EIF4G3: variants seen among roughly 807,000 people sequenced by gnomAD.
The protein encoded by EIF4G3 is eIF-4-gamma 3.
In EIF4G3, 34 loss-of-function variants were observed where a neutral mutation model predicts 186.4. The observed-to-expected ratio is 0.18, with a 90% CI of 0.14 to 0.24. The LOEUF is 0.24. EIF4G3 is among the 10% of genes least tolerant of loss of function. The probability of loss-of-function intolerance (pLI) is 1.00; values close to 1 mark genes in which losing one functional copy is unlikely to be tolerated. For synonymous variants in EIF4G3, 673 were observed against 679.5 expected, an observed-to-expected ratio of 0.99 and a Z score of 0.15; for missense variants, 1,536 against 1,948.5, an observed-to-expected ratio of 0.79 and a Z score of 3.99.
chr1:21,022,085 C>T (rs956715522), intron 4 of EIF4G3, among the ~76,000 whole-genome samples: 1 of 152,014 alleles, frequency 6.6e-6, no homozygotes, highest in Non-Finnish European at 1.5e-5. Flanking sequence ...CACTAAGCAC[C>T]GAAAATGCAT....
chr1:21,088,237 A>G (rs769058744), intron 3 of EIF4G3, among the ~76,000 whole-genome samples: 13 of 152,118 alleles, frequency 8.5e-5, no homozygotes, highest in Admixed American at 5.2e-4. Flanking sequence ...ACCAACCAAC[A>G]TGGTGAAACT....
At chr1:20,950,163 C>CTAGCAACA in intron 12 of EIF4G3, 52 bp from the exon 13 acceptor site, 2 of 1,382,486 alleles carry the variant, frequency 1.4e-6, no homozygotes, top group Non-Finnish European at 1.9e-6. Flanking sequence ...AACATAAAAA[C>CTAGCAACA]TAGCAACATG....
At chr1:20,814,525 G>C (rs2059957747) in intron 34 of EIF4G3, among the ~76,000 whole-genome samples, 1 of 151,892 alleles carries the variant, frequency 6.6e-6, no homozygotes, top group Admixed American at 6.6e-5. Flanking sequence ...ATCTATGAAA[G>C]AACAACACCA....
At chr1:21,047,066 C>T (rs1015411650) in intron 4 of EIF4G3, among the ~76,000 whole-genome samples, 9 of 152,084 alleles carry the variant, frequency 5.9e-5, no homozygotes, top group Non-Finnish European at 1.0e-4. Context: ...GATGAAGAAA[C>T]GAAGTTCCAG....
chr1:20,934,924 CCT>C (rs1383034546), intron 14 of EIF4G3, among the ~76,000 whole-genome samples: 1 of 152,036 alleles, frequency 6.6e-6, no homozygotes, highest in African/African-American at 2.4e-5. Context: ...CATTCCTCAC[CCT>C]GTTTTATTAT....
chr1:20,972,863 G>A, intron 11 of EIF4G3, 139 bp downstream of exon 11: 1 of 610,344 alleles, frequency 1.6e-6, no homozygotes, highest in South Asian at 2.4e-5. Context: ...CAGGTGAAGT[G>A]GTGTGACTAT....
At chr1:21,060,782 G>GAAAAAAA (rs34598369) in intron 3 of EIF4G3, among the ~76,000 whole-genome samples, 12 of 117,348 alleles carry the variant, frequency 1.0e-4, no homozygotes, top group East Asian at 3.5e-4. Flanking sequence ...TGTCTCTTAA[G>GAAAAAAA]AAAAAAAAAA....
At chr1:20,864,994 G>T in intron 21 of EIF4G3, 122 bp downstream of exon 21, 1 of 1,125,802 alleles carries the variant, frequency 8.9e-7, no homozygotes, top group Non-Finnish European at 1.3e-6. Context: ...GTTTCTACAT[G>T]GAAAAAAAAA....
chr1:21,068,645 C>T (rs1156813115), intron 3 of EIF4G3, among the ~76,000 whole-genome samples: 1 of 152,140 alleles, frequency 6.6e-6, no homozygotes, highest in Non-Finnish European at 1.5e-5. Context: ...GGATACGTCA[C>T]CTCTGTGTCT....
chr1:20,915,337 T>A (rs2093739881), intron 14 of EIF4G3, among the ~76,000 whole-genome samples: 1 of 152,118 alleles, frequency 6.6e-6, no homozygotes, highest in Non-Finnish European at 1.5e-5. Context: ...CCCAGAATAT[T>A]GAAGGAGAAA....
chr1:21,007,515 T>TAAAAAAAAAAAAAAAAAAA (rs368328382), intron 4 of EIF4G3, among the ~76,000 whole-genome samples: 3 of 14,858 alleles, frequency 2.0e-4, no homozygotes, highest in African/African-American at 2.6e-4. Flanking sequence ...GGCCCCTCCT[T>TAAAAAAAAAAAAAAAAAAA]AAAAAAAAAA....
intron 25 of EIF4G3, among the ~76,000 whole-genome samples, chr1:20,856,334 T>A (rs771286624): frequency 6.6e-6 from 1 of 152,246 alleles, no homozygotes; most frequent in Admixed American, 6.5e-5. Context: ...CATGTAGTAT[T>A]TTCACATTAG....
At chr1:20,862,112 G>T in intron 23 of EIF4G3, 116 bp downstream of exon 23, 1 of 594,880 alleles carries the variant, frequency 1.7e-6, no homozygotes, top group Non-Finnish European at 2.8e-6. Flanking sequence ...CAAATTCTGA[G>T]TCCTGAAGCA....
intron 33 of EIF4G3, among the ~76,000 whole-genome samples, chr1:20,824,621 G>C (rs1224308714): frequency 6.6e-6 from 1 of 152,190 alleles, no homozygotes; most frequent in Admixed American, 6.5e-5. Flanking sequence ...CTAGTTACCA[G>C]TCAGTAGGCA....
At chr1:21,154,399 G>C (rs1340341913) in intron 2 of EIF4G3, among the ~76,000 whole-genome samples, 1 of 152,140 alleles carries the variant, frequency 6.6e-6, no homozygotes, top group Non-Finnish European at 1.5e-5. Context: ...AACCTTTTTT[G>C]TGAGAGCCAG....
chr1:20,923,386 T>C (rs888171385), intron 14 of EIF4G3, among the ~76,000 whole-genome samples: 9 of 152,210 alleles, frequency 5.9e-5, no homozygotes, highest in African/African-American at 2.2e-4. Context: ...GCCTCTGTTT[T>C]TACTGCTCTG....
At chr1:21,108,846 T>C (rs1032820317) in intron 2 of EIF4G3, among the ~76,000 whole-genome samples, 5 of 138,400 alleles carry the variant, frequency 3.6e-5, no homozygotes, top group Non-Finnish European at 1.5e-5. Flanking sequence ...GAGGTCGCAG[T>C]GAGCTGAGAT....
intron 7 of EIF4G3, among the ~76,000 whole-genome samples, chr1:20,995,015 C>T (rs983643698): frequency 2.6e-5 from 4 of 152,162 alleles, no homozygotes; most frequent in African/African-American, 9.7e-5. Context: ...GACTAATCTG[C>T]TAACACTTTA....
At chr1:20,818,058 A>G (rs1194715964) in intron 33 of EIF4G3, among the ~76,000 whole-genome samples, 1 of 152,202 alleles carries the variant, frequency 6.6e-6, no homozygotes, top group African/African-American at 2.4e-5. Context: ...ATCTTAAAAA[A>G]GAAGGTAATA....
Sources: allele counts gnomAD v4.1 joint callset (sites outside exome capture counted in the v4.1 genomes callset), GRCh38; gene constraint gnomAD v4.1.1; transcripts MANE v1.5; gene names NCBI Gene and HGNC (gene_info 2026-07-23, HGNC 2026-07-21).